POU2F2: variants seen among roughly 807,000 people sequenced by gnomAD.
POU2F2 encodes the protein POU domain, class 2, transcription factor 2.
A neutral mutation model predicts 63.5 loss-of-function variants in POU2F2; 14 were observed. The observed-to-expected ratio is 0.22, with a 90% CI of 0.15 to 0.34. POU2F2 has a LOEUF of 0.34. POU2F2 is among the 10% of genes least tolerant of loss of function. The pLI is 1.00. For missense variants in POU2F2, 607 were observed against 815.2 expected, an observed-to-expected ratio of 0.74 and a Z score of 3.11; for synonymous variants, 306 against 348.6, an observed-to-expected ratio of 0.88 and a Z score of 1.36.
chr19:42,195,330 CTTTTTT>C (rs894258162), intron 1 of POU2F2, among the ~76,000 whole-genome samples: 2 of 125,526 alleles, frequency 1.6e-5, no homozygotes, highest in Admixed American at 8.1e-5. Flanking sequence ...CCCTCTTTTT[CTTTTTT>C]TTTTTTTTTT....
rs147081950 is a variant in POU2F2, at chr19:42,132,146, G to A, written c.28+238C>T. 4.4e-3 allele frequency among the ~76,000 whole-genome samples: 676 copies of A among 152,200 alleles called. 3 individuals carry two copies. The highest frequency in any genetic ancestry group is 6.7e-3 in the Non-Finnish European group (454 of 68,002). On this transcript the variant is annotated intron_variant, in intron 1 of 14. Transcript: ENST00000692977. ...CCTCCCTCCCGTCCCCAGACCCTTC[G>A]GAACAGGGCAACAGAGAAGAGAAGA...
intron 2 of POU2F2, among the ~76,000 whole-genome samples, chr19:42,148,444 G>A (rs1013316405): frequency 6.6e-6 from 1 of 152,044 alleles, no homozygotes; most frequent in Non-Finnish European, 1.5e-5. Flanking sequence ...CACATCAGAG[G>A]GATCTCTCTA....
chr19:42,190,665 C>A (rs1251737752), intron 1 of POU2F2, among the ~76,000 whole-genome samples: 5 of 151,868 alleles, frequency 3.3e-5, no homozygotes, highest in African/African-American at 9.7e-5. Context: ...ACCAGCCTGG[C>A]CAAGATGGTG....
chr19:42,183,995 A>AT (rs577786741), intron 1 of POU2F2, among the ~76,000 whole-genome samples: 2,373 of 125,742 alleles, frequency 0.019, 30 homozygotes, highest in Non-Finnish European at 0.021. Flanking sequence ...ACGACTGGGG[A>AT]TTTTTTTTTT....
chr19:42,117,392 G>C lies in POU2F2; in HGVS notation c.227C>G (p.Pro76Arg). 1 of 1,491,712 alleles carries C rather than the reference G, an allele frequency of 6.7e-7. No homozygotes were observed. Among genetic ancestry groups the C allele is most frequent in the Non-Finnish European group, 9.1e-7 (1 of 1,103,876 alleles). 92.4% of individuals were successfully genotyped at this position (1,491,712 alleles called of 1,614,324 possible). The change falls in exon 5 of 15, where the codon CCC becomes CGC. Residue 76 changes from proline (P) to arginine (R), a missense_variant. Pro to Arg is a moderately radical substitution (Grantham distance 103). Transcript: ENST00000692977. This position sits in a 1 kb window ranked among gnomAD's most constrained non-coding sequence, Gnocchi z 4.4. ...LSGLHLTFWG[P>R]GPCLSPPQIK... ...CTGGGGGGGAGAGAGGCAGGGTCCG[G>C]GACCCCAGAATGTTAAGTGGAGGCC...
intron 5 of POU2F2, among the ~76,000 whole-genome samples, chr19:42,103,027 T>C (rs1275559398): frequency 6.6e-6 from 1 of 151,552 alleles, no homozygotes; most frequent in Non-Finnish European, 1.5e-5. Context: ...AGCCCTTTTC[T>C]GTTTTTTTTT....
rs1374946890 is a variant in POU2F2 at position 42,156,759 on chromosome 19, A to AG, written c.-9+3572dup. ...AGGCCTGCGCCTCCCATCCCAGGGC[A>AG]GCCCCCCCGCCATACCTACACTCTT... On this transcript the variant is annotated intron_variant, in intron 2 of 6. Transcript: ENST00000524801. The surrounding 1 kb of genome is among the most constrained non-coding windows in gnomAD (Gnocchi z 4.1). 2.0e-5 allele frequency: 3 copies of AG among 149,420 alleles called. No homozygotes were observed. The highest frequency in any genetic ancestry group is 6.7e-5 in the Admixed American group (1 of 14,850). 9.3% of individuals were successfully genotyped at this position (149,420 alleles called of 1,614,324 possible).
In POU2F2 at chr19:42,096,752, C is replaced by A. The variant is rs546020882; in HGVS notation, c.568-509G>T. ...AGGTCGTGCAGACCCATGGACTGTA[C>A]AATGCCAAGAGTGAACCCTAATGTC... is the stretch of plus-strand genomic sequence containing the variant. On this transcript the variant is annotated intron_variant, in intron 7 of 14. Coordinates refer to ENST00000692977, the MANE Select transcript of POU2F2 (RefSeq NM_001394376.1). This position sits in a 1 kb window ranked among gnomAD's most constrained non-coding sequence, Gnocchi z 4.1. Among the ~76,000 whole-genome samples, 1 of 152,306 alleles carries A rather than the reference C, an allele frequency of 6.6e-6. No individual in the cohort carries two copies. Among genetic ancestry groups the A allele is most frequent in the South Asian group, 2.1e-4 (1 of 4,830 alleles).
intron 5 of POU2F2, among the ~76,000 whole-genome samples, chr19:42,110,374 C>G (rs753910246): frequency 6.6e-6 from 1 of 152,180 alleles, no homozygotes; most frequent in Non-Finnish European, 1.5e-5. Context: ...GGTGGTGGGA[C>G]GCACTGCCTG....
At chr19:42,122,880 G>A (rs79841862) in intron 1 of POU2F2, among the ~76,000 whole-genome samples, 113 of 152,344 alleles carry the variant, frequency 7.4e-4, no homozygotes, top group African/African-American at 2.4e-3. Context: ...GAAGGTGGTC[G>A]TGAGAAGGTA....
rs1278290763 is a variant in POU2F2 at position 42,106,649 on chromosome 19, G to A, written c.370-6828C>T. 3.3e-5 allele frequency among the ~76,000 whole-genome samples: 5 copies of A among 152,208 alleles called. No homozygotes were observed. In the East Asian group the frequency reaches 9.7e-4, roughly 29 times the overall value. On this transcript the variant is annotated intron_variant, in intron 5 of 14. Coordinates refer to ENST00000692977, the MANE Select transcript of POU2F2 (RefSeq NM_001394376.1). ...AAACTGGCTGGGCACAGTGGCTCAT[G>A]CCTATAATCCCAGCACTTTGGGAGG...
rs71167389 is a variant in POU2F2 at position 42,194,758 on chromosome 19, CAAAAAAAAAAAAAAAA to C, written c.-70+1609_-70+1624del. 2.3e-4 allele frequency among the ~76,000 whole-genome samples: 5 copies of C among 21,740 alleles called. No homozygotes were observed. In the Admixed American group the frequency reaches 3.4e-3, roughly 15 times the overall value. The allele number at this position is 21,740 out of a possible 152,430, so 14.3% of individuals were successfully genotyped here. A position where few individuals can be genotyped will look rare whatever the true frequency, so the allele number is the denominator to read the frequency against. ...TGGGCAACAGAGTGAGACTCTGTCT[CAAAAAAAAAAAAAAAA>C]AAAAAAAAAAAAGACAGGAAGGGGA... On this transcript the variant is annotated intron_variant, in intron 1 of 5. Transcript: ENST00000532176.
At chr19:42,133,411 AGGCGCGCCC>A (rs1270446145), upstream of POU2F2, 1 of 153,830 alleles carries the variant, frequency 6.5e-6, no homozygotes, top group Non-Finnish European at 1.5e-5. This position sits in a 1 kb window ranked among gnomAD's most constrained non-coding sequence, Gnocchi z 5.1. Flanking sequence ...GCTCAGACAA[AGGCGCGCCC>A]GAGTCCGCTG....
intron 1 of POU2F2, among the ~76,000 whole-genome samples, chr19:42,160,761 G>A (rs752355975): frequency 6.6e-6 from 1 of 152,180 alleles, no homozygotes; most frequent in African/African-American, 2.4e-5. Flanking sequence ...AGTGCATAAC[G>A]GACGACGGAG....
intron 4 of POU2F2, among the ~76,000 whole-genome samples, chr19:42,120,282 T>C (rs985563650): frequency 1.3e-5 from 2 of 150,822 alleles, no homozygotes; most frequent in Non-Finnish European, 2.9e-5. Context: ...AGTGGTGCAA[T>C]CTCGGCTCAC....
chr19:42,113,106 T>A (rs761576810), intron 5 of POU2F2, among the ~76,000 whole-genome samples: 23 of 152,348 alleles, frequency 1.5e-4, no homozygotes, highest in Non-Finnish European at 1.0e-4. Context: ...TGGGAAACTT[T>A]CACTCGCTAG....
At chr19:42,148,699 G>A (rs781408566) in intron 2 of POU2F2, among the ~76,000 whole-genome samples, 2 of 151,978 alleles carry the variant, frequency 1.3e-5, no homozygotes, top group Admixed American at 6.6e-5. Flanking sequence ...CTGCTCCTCC[G>A]GCTGTGCCTC....
intron 2 of POU2F2, among the ~76,000 whole-genome samples, chr19:42,141,127 T>C (rs371775389): frequency 1.3e-5 from 2 of 152,228 alleles, no homozygotes; most frequent in African/African-American, 2.4e-5. Context: ...CTAATTGTAC[T>C]GCACTGAATC....
intron 1 of POU2F2, chr19:42,175,917 C>T (rs2034864885): frequency 6.6e-6 from 1 of 152,344 alleles, no homozygotes; most frequent in Non-Finnish European, 1.5e-5. Context: ...TCTCTCACCC[C>T]TCATTCCCAC....
Sources: gnomAD v4.1 joint callset for allele counts (sites outside exome capture counted in the v4.1 genomes callset) on GRCh38, gnomAD v4.1.1 for gene constraint, Gnocchi (gnomAD v3.1) non-coding constraint, MANE v1.5 for transcripts, NCBI Gene and HGNC (gene_info 2026-07-23, HGNC 2026-07-21) for gene names.